The following PIGF variants were observed in gnomAD, a reference collection of about 807,000 sequenced individuals.
PIGF encodes the protein GPI ethanolamine phosphate transferase, stabilizing subunit.
In PIGF, 23 loss-of-function variants were observed where a neutral mutation model predicts 26.0. The observed-to-expected ratio is 0.88, with a 90% CI of 0.64 to 1.25. PIGF has a LOEUF of 1.25. PIGF is among the 50% of genes most tolerant of loss of function. PIGF has a pLI of 0.00. For missense variants in PIGF, 278 were observed against 249.9 expected (o/e 1.11, Z -0.76); for synonymous variants, 93 against 92.6 (o/e 1.00, Z -0.03).
chr2:46,605,486 C>T (rs1670189313), intron 4 of PIGF, among the ~76,000 whole-genome samples: 2 of 152,036 alleles, frequency 1.3e-5, no homozygotes, highest in Admixed American at 6.6e-5. Context: ...ATATAAAATG[C>T]TCCCTGACAT....
chr2:46,600,638 G>A (rs1422693285), intron 4 of PIGF, among the ~76,000 whole-genome samples: 2 of 152,070 alleles, frequency 1.3e-5, no homozygotes, highest in East Asian at 3.9e-4. Flanking sequence ...CTACCAGCCT[G>A]AGGATAATAA....
chr2:46,617,021 C>T lies in PIGF; in HGVS notation c.-73G>A. The T allele has an allele frequency of 1.7e-6, 1 of 583,654 alleles. No individual in the cohort carries two copies. The highest frequency in any genetic ancestry group is 3.0e-6 in the Non-Finnish European group (1 of 328,168). 36.2% of individuals were successfully genotyped at this position (583,654 alleles called of 1,614,324 possible). ...GCGGGGAACTACTGCCTCCTACCATCAGGTACGACGGGCGGCCCAGGCCCA... is the reference window on the plus strand; with the variant it reads ...GCGGGGAACTACTGCCTCCTACCATTAGGTACGACGGGCGGCCCAGGCCCA... On this transcript the variant is annotated 5_prime_UTR_variant, in exon 1 of 6. Coordinates refer to ENST00000281382, the MANE Select transcript of PIGF (RefSeq NM_002643.4).
At chr2:46,600,080 C>G (rs970046725) in intron 4 of PIGF, among the ~76,000 whole-genome samples, 18 of 152,208 alleles carry the variant, frequency 1.2e-4, no homozygotes, top group African/African-American at 4.3e-4. Context: ...AATGGTGGTT[C>G]TATAATTGAG....
At chr2:46,594,911 C>T (rs1023702545) in intron 4 of PIGF, among the ~76,000 whole-genome samples, 2 of 150,890 alleles carry the variant, frequency 1.3e-5, no homozygotes, top group African/African-American at 2.4e-5. Context: ...AATGCAATGG[C>T]GCAACCTGGG....
intron 5 of PIGF, chr2:46,591,954 T>C: frequency 1.5e-6 from 2 of 1,303,242 alleles, no homozygotes; most frequent in South Asian, 2.5e-5. Context: ...ACATTCAATT[T>C]GGCCATCAAT....
chr2:46,607,825 G>C (rs992729795), intron 4 of PIGF, among the ~76,000 whole-genome samples: 1 of 152,050 alleles, frequency 6.6e-6, no homozygotes, highest in African/African-American at 2.4e-5. Flanking sequence ...CTCCCAAGTA[G>C]CTGGGATTAC....
Position 46,612,354 on chromosome 2 carries a change from A to C in PIGF, c.321-10T>G. The C allele has an allele frequency of 9.8e-7, 1 of 1,025,192 alleles. No individual in the cohort carries two copies. Among genetic ancestry groups the C allele is most frequent in the African/African-American group, 1.6e-5 (1 of 61,122 alleles). 63.5% of individuals were successfully genotyped at this position (1,025,192 alleles called of 1,614,324 possible). A position where few individuals can be genotyped will look rare whatever the true frequency, so the allele number is the denominator to read the frequency against. On this transcript the variant is annotated splice_polypyrimidine_tract_variant and intron_variant, in intron 3 of 5. Transcript: ENST00000281382. ...TGTTTCCAATGCCAACCTAGAAAAA[A>C]AAAAAGATTACTTTTTAAAAAAGTG... is the stretch of plus-strand genomic sequence containing the variant.
rs376707096 is a variant in PIGF, at chr2:46,588,987, C to T, written c.546+3488G>A. On this transcript the variant is annotated intron_variant, in intron 5 of 5. Coordinates refer to ENST00000281382, the MANE Select transcript of PIGF (RefSeq NM_002643.4). This position sits in a 1 kb window ranked among gnomAD's most constrained non-coding sequence, Gnocchi z 4.1. ...GTAGTCCAAATATTTATTTTGTCAG[C>T]AACTATAAGCTTTCTCTAGAAGTTG... Among the ~76,000 whole-genome samples the T allele has an allele frequency of 6.6e-6, 1 of 152,030 alleles. No homozygotes were observed. The highest frequency in any genetic ancestry group is 1.9e-4 in the East Asian group (1 of 5,196).
At chr2:46,607,354 T>C (rs1430401646) in intron 4 of PIGF, among the ~76,000 whole-genome samples, 2 of 152,206 alleles carry the variant, frequency 1.3e-5, no homozygotes, top group Non-Finnish European at 2.9e-5. Context: ...AAAAGTGCTA[T>C]GTTTATTGTA....
intron 4 of PIGF, among the ~76,000 whole-genome samples, chr2:46,604,906 G>A (rs146680588): frequency 6.6e-6 from 1 of 152,042 alleles, no homozygotes; most frequent in East Asian, 1.9e-4. Context: ...AATGCTTGAT[G>A]TGAATACCCT....
chr2:46,597,047 C>T (rs570559439), intron 4 of PIGF, among the ~76,000 whole-genome samples: 2 of 152,190 alleles, frequency 1.3e-5, no homozygotes, highest in African/African-American at 2.4e-5. Context: ...AGTAGTACCT[C>T]TAAATGCTTG....
chr2:46,612,104 C>T (rs1023733101), intron 4 of PIGF, 124 bp downstream of exon 4: 1 of 383,688 alleles, frequency 2.6e-6, no homozygotes, highest in African/African-American at 2.1e-5. Context: ...CCCCTTAAGG[C>T]ATCTCTGAGC....
intron 4 of PIGF, among the ~76,000 whole-genome samples, chr2:46,604,383 T>C (rs552884573): frequency 2.6e-5 from 4 of 151,958 alleles, no homozygotes; most frequent in East Asian, 1.9e-4. Flanking sequence ...GAAATCAGTA[T>C]ATTGAAGAGA....
At chr2:46,590,765 T>C (rs1669700250) in intron 5 of PIGF, among the ~76,000 whole-genome samples, 1 of 152,208 alleles carries the variant, frequency 6.6e-6, no homozygotes, top group Non-Finnish European at 1.5e-5. Context: ...AAGAAACCTT[T>C]ACTAGCACCA....
chr2:46,614,926 A>AT lies in PIGF; in HGVS notation c.228+10dup. 1 of 1,259,682 alleles carries AT rather than the reference A, an allele frequency of 7.9e-7. No homozygotes were observed. The highest frequency in any genetic ancestry group is 1.2e-5 in the South Asian group (1 of 83,096). 78.0% of individuals were successfully genotyped at this position (1,259,682 alleles called of 1,614,324 possible). On this transcript the variant is annotated intron_variant, in intron 2 of 5. Transcript: ENST00000281382. ...CCATCCAAAAATCAGTTATTGAGAC[A>AT]TAAGCCTTACCTTGTGTGATAATGA...
intron 4 of PIGF, among the ~76,000 whole-genome samples, chr2:46,601,838 C>G (rs1192698246): frequency 6.6e-6 from 1 of 151,944 alleles, no homozygotes; most frequent in African/African-American, 2.4e-5. Context: ...TTCACCTCGG[C>G]TAGATCACTA....
chr2:46,597,419 GT>G (rs533306523), intron 4 of PIGF, among the ~76,000 whole-genome samples: 28 of 144,852 alleles, frequency 1.9e-4, no homozygotes, highest in Non-Finnish European at 2.1e-4. Context: ...GTTTTTTGTT[GT>G]TTTTTTTTTT....
chr2:46,592,507 G>T lies in PIGF; in HGVS notation c.514C>A (p.Pro172Thr). 6.2e-7 allele frequency: 1 copy of T among 1,607,004 alleles called. No homozygotes were observed. Among genetic ancestry groups the T allele is most frequent in the Non-Finnish European group, 8.5e-7 (1 of 1,173,544 alleles). ...GGTCTTTCCCAATCCAGTGGAATAG[G>T]AAGTGCTCCAAGCCATGCTCCTACA... ...SFVGAWLGAL[P>T]IPLDWERPWQ... The change falls in exon 5 of 6, where the codon CCT becomes ACT. Residue 172 changes from proline to threonine, a missense_variant. Coordinates refer to ENST00000281382, the MANE Select transcript of PIGF (RefSeq NM_002643.4).
chr2:46,612,336 A>T lies in PIGF; in HGVS notation c.329T>A (p.Leu110Ter). 2 of 1,335,780 alleles carry T rather than the reference A, an allele frequency of 1.5e-6. No individual in the cohort carries two copies. Among genetic ancestry groups the T allele is most frequent in the Non-Finnish European group, 2.0e-6 (2 of 978,298 alleles). 82.7% of individuals were successfully genotyped at this position (1,335,780 alleles called of 1,614,324 possible). A position where few individuals can be genotyped will look rare whatever the true frequency, so the allele number is the denominator to read the frequency against. The change falls in exon 4 of 6, where the codon TTG becomes TAG. Residue 110 changes from leucine (L) to a stop codon, truncating the protein, a stop_gained. Coordinates refer to ENST00000281382, the MANE Select transcript of PIGF (RefSeq NM_002643.4). LOFTEE classifies it high-confidence loss of function. The stretch of plus-strand genomic sequence containing the variant: ...AATAACTGCAAATAAAAATGTTTCC[A>T]ATGCCAACCTAGAAAAAAAAAAAGA... Reference protein sequence around the residue: ...LYGAPLIELALETFLFAVILS... With the variant: ...LYGAPLIELA
Sources: allele counts gnomAD v4.1 joint callset (sites outside exome capture counted in the v4.1 genomes callset), GRCh38; gene constraint gnomAD v4.1.1; non-coding constraint Gnocchi (gnomAD v3.1); transcripts MANE v1.5; gene names NCBI Gene and HGNC (gene_info 2026-07-23, HGNC 2026-07-21).